Variants in KCNMB2 observed in about 807,000 individuals in gnomAD.
KCNMB2 encodes the protein calcium-activated potassium channel subunit beta-2.
KCNMB2 carries 9 observed loss-of-function variants against 24.5 expected under a neutral mutation model. The observed-to-expected ratio is 0.37, with a 90% CI of 0.22 to 0.64. The LOEUF (loss-of-function observed/expected upper bound fraction) is 0.64, where lower values mean the gene tolerates loss of function less well. Ranked by LOEUF, KCNMB2 falls within the 30% of genes least tolerant of loss-of-function variation. The pLI, the probability that KCNMB2 is intolerant of heterozygous loss-of-function variation, is 0.63. For synonymous variants in KCNMB2, 109 were observed against 104.4 expected, an observed-to-expected ratio of 1.04 and a Z score of -0.27; for missense variants, 226 against 284.3, an observed-to-expected ratio of 0.79 and a Z score of 1.47.
chr3:178,808,761 T>G (rs1482704613), intron 2 of KCNMB2, among the ~76,000 whole-genome samples: 2 of 152,228 alleles, frequency 1.3e-5, no homozygotes, highest in Non-Finnish European at 2.9e-5. Flanking sequence ...AAAATTTGCA[T>G]GCAAACTACG....
At chr3:178,835,964 C>T (rs2108475454) in intron 4 of KCNMB2, among the ~76,000 whole-genome samples, 1 of 152,242 alleles carries the variant, frequency 6.6e-6, no homozygotes, top group South Asian at 2.1e-4. Flanking sequence ...CAACAAATAT[C>T]GCACGGATTT....
At chr3:178,814,056 TTGAG>T (rs1298683268) in intron 2 of KCNMB2, among the ~76,000 whole-genome samples, 1 of 152,110 alleles carries the variant, frequency 6.6e-6, no homozygotes, top group African/African-American at 2.4e-5. Context: ...TATGGGCATA[TTGAG>T]TAATACTGAA....
chr3:178,624,594 CTTTCT>C (rs1560136216), intron 1 of KCNMB2, among the ~76,000 whole-genome samples: 4 of 44,160 alleles, frequency 9.1e-5, no homozygotes, highest in Middle Eastern at 9.6e-3. Flanking sequence ...TTCTTTTTTT[CTTTCT>C]TTTTTTTTTT....
chr3:178,568,846 TAGATAGATGATAGATAGATAGATA>T (rs1716651963), intron 1 of KCNMB2, among the ~76,000 whole-genome samples: 1 of 120,512 alleles, frequency 8.3e-6, no homozygotes, highest in Admixed American at 8.3e-5. Context: ...GATAGATAGA[TAGATAGATGATAGATAGATAGATA>T]GATAGATAGA....
At chr3:178,655,778 G>T (rs1244345819) in intron 1 of KCNMB2, among the ~76,000 whole-genome samples, 2 of 152,182 alleles carry the variant, frequency 1.3e-5, no homozygotes, top group Non-Finnish European at 2.9e-5. Flanking sequence ...AGACAAATTG[G>T]TCTTCTGAGG....
chr3:178,559,499 T>A (rs1010667308), intron 1 of KCNMB2, among the ~76,000 whole-genome samples: 2 of 151,820 alleles, frequency 1.3e-5, no homozygotes, highest in African/African-American at 2.4e-5. Context: ...GATATAAGCA[T>A]CTAGATGACT....
intron 1 of KCNMB2, among the ~76,000 whole-genome samples, chr3:178,574,437 C>T (rs1716917942): frequency 6.6e-6 from 1 of 152,250 alleles, no homozygotes; most frequent in Non-Finnish European, 1.5e-5. Flanking sequence ...GTCTCTATCC[C>T]TGTTGGACTC....
intron 1 of KCNMB2, among the ~76,000 whole-genome samples, chr3:178,683,094 C>A (rs2108321470): frequency 6.6e-6 from 1 of 151,970 alleles, no homozygotes; most frequent in East Asian, 1.9e-4. Context: ...ACCATGGTAC[C>A]CATCAACAGT....
At chr3:178,696,298 T>G (rs549193803) in intron 1 of KCNMB2, among the ~76,000 whole-genome samples, 2 of 152,200 alleles carry the variant, frequency 1.3e-5, no homozygotes, top group African/African-American at 4.8e-5. Context: ...CAAGATGAGA[T>G]TTGAGTGGGG....
At chr3:178,818,831 C>A (rs929522459) in intron 2 of KCNMB2, among the ~76,000 whole-genome samples, 1 of 152,254 alleles carries the variant, frequency 6.6e-6, no homozygotes, top group East Asian at 1.9e-4. Context: ...CTGGTGCCTG[C>A]CTATCTAACC....
At chr3:178,758,078 A>ACG (rs1724238931) in intron 1 of KCNMB2, among the ~76,000 whole-genome samples, 4 of 92,946 alleles carry the variant, frequency 4.3e-5, no homozygotes, top group South Asian at 3.5e-4. Flanking sequence ...GGATATATAT[A>ACG]TATACACAAG....
chr3:178,703,159 C>T (rs1004080668), intron 1 of KCNMB2, among the ~76,000 whole-genome samples: 5 of 152,098 alleles, frequency 3.3e-5, no homozygotes, highest in African/African-American at 4.8e-5. Flanking sequence ...ACAATGACCA[C>T]GAGTTCTTGA....
intron 1 of KCNMB2, among the ~76,000 whole-genome samples, chr3:178,637,678 A>C (rs1006074503): frequency 1.3e-5 from 2 of 152,182 alleles, no homozygotes; most frequent in African/African-American, 2.4e-5. Flanking sequence ...ATGGTTTATG[A>C]AGAAACCACT....
At chr3:178,586,745 G>A (rs181852919) in intron 1 of KCNMB2, among the ~76,000 whole-genome samples, 7 of 151,616 alleles carry the variant, frequency 4.6e-5, no homozygotes, top group East Asian at 1.9e-4. Context: ...GGGTTTCACC[G>A]TGTTGGTCAG....
intron 1 of KCNMB2, among the ~76,000 whole-genome samples, chr3:178,783,504 T>A (rs938371254): frequency 4.2e-4 from 63 of 151,120 alleles, no homozygotes; most frequent in African/African-American, 1.5e-3. Context: ...AAGAGGTCCT[T>A]CACATCCCTT....
intron 1 of KCNMB2, among the ~76,000 whole-genome samples, chr3:178,627,117 A>G (rs1474546508): frequency 6.6e-6 from 1 of 152,002 alleles, no homozygotes; most frequent in Non-Finnish European, 1.5e-5. Flanking sequence ...TGAGTTGGCT[A>G]GATTATTTAT....
chr3:178,764,333 A>G (rs1437394770), intron 1 of KCNMB2, among the ~76,000 whole-genome samples: 1 of 152,182 alleles, frequency 6.6e-6, no homozygotes, highest in Non-Finnish European at 1.5e-5. Flanking sequence ...TTTTTGGTCA[A>G]TGATGAACTA....
intron 1 of KCNMB2, among the ~76,000 whole-genome samples, chr3:178,691,753 A>T (rs1390382766): frequency 6.6e-6 from 1 of 152,010 alleles, no homozygotes; most frequent in Admixed American, 6.6e-5. Flanking sequence ...AACAATTTAT[A>T]CTCCTTTGGG....
rs386356532 is a variant in KCNMB2 at position 178,568,817 on chromosome 3, A to AG, written c.-68+32106_-68+32107insG. ...TAGATAGATAGATAGATAGATAGAT[A>AG]ATAGATAGATAGATGATAGATAGAT... On this transcript the variant is annotated intron_variant, in intron 1 of 4. Transcript: ENST00000452583. Among the ~76,000 whole-genome samples, 415 of 49,530 alleles carry AG rather than the reference A, an allele frequency of 8.4e-3. 13 individuals carry two copies. Among genetic ancestry groups the AG allele is most frequent in the South Asian group, 0.011 (18 of 1,612 alleles). 32.5% of individuals were successfully genotyped at this position (49,530 alleles called of 152,430 possible).
Sources: allele counts gnomAD v4.1 joint callset (sites outside exome capture counted in the v4.1 genomes callset), GRCh38; gene constraint gnomAD v4.1.1; transcripts MANE v1.5; gene names NCBI Gene and HGNC (gene_info 2026-07-23, HGNC 2026-07-21).